Variants in NRXN1 observed in about 807,000 individuals in gnomAD.
NRXN1 encodes the protein neurexin-1.
In NRXN1, 39 loss-of-function variants were observed where a neutral mutation model predicts 150.9. The observed-to-expected ratio is 0.26, with a 90% CI of 0.20 to 0.34. The LOEUF (loss-of-function observed/expected upper bound fraction) is 0.34, where lower values mean the gene tolerates loss of function less well. Among genes scored for constraint, NRXN1 ranks in the 10% least tolerant of loss-of-function variants. The pLI is 1.00. For missense variants in NRXN1, 1,815 were observed against 1,949.9 expected (o/e 0.93, Z 1.30); for synonymous variants, 924 against 757.0 (o/e 1.22, Z -3.62).
intron 5 of NRXN1, among the ~76,000 whole-genome samples, chr2:50,871,417 C>A (rs1486016064): frequency 6.6e-6 from 1 of 151,742 alleles, no homozygotes; most frequent in Non-Finnish European, 1.5e-5. Flanking sequence ...TAAGCAGGAT[C>A]TAACATGGGC....
intron 5 of NRXN1, among the ~76,000 whole-genome samples, chr2:50,702,307 AT>A (rs1413624817): frequency 6.6e-6 from 1 of 151,728 alleles, no homozygotes; most frequent in Non-Finnish European, 1.5e-5. Flanking sequence ...GAACCATACT[AT>A]GGGGAAAAAC....
chr2:50,855,511 A>G (rs1675142313), intron 5 of NRXN1, among the ~76,000 whole-genome samples: 1 of 151,986 alleles, frequency 6.6e-6, no homozygotes, highest in Non-Finnish European at 1.5e-5. Context: ...TAGTAAGTTA[A>G]TTTATCTTGG....
At chr2:50,922,165 G>C (rs951966653) in intron 4 of NRXN1, among the ~76,000 whole-genome samples, 15 of 151,852 alleles carry the variant, frequency 9.9e-5, no homozygotes, top group Non-Finnish European at 2.1e-4. Context: ...AATCTACGTA[G>C]AGAAAGTATT....
At chr2:50,380,004 T>A (rs750036396) in intron 17 of NRXN1, among the ~76,000 whole-genome samples, 14 of 152,056 alleles carry the variant, frequency 9.2e-5, no homozygotes, top group Non-Finnish European at 1.9e-4. Flanking sequence ...AACATGGAAA[T>A]AGAAATGGCT....
At chr2:50,184,459 A>T (rs1221685358) in intron 18 of NRXN1, among the ~76,000 whole-genome samples, 3 of 152,032 alleles carry the variant, frequency 2.0e-5, no homozygotes, top group Non-Finnish European at 4.4e-5. Flanking sequence ...TATTTAACCC[A>T]TGAAAAATAA....
chr2:50,604,967 G>A (rs1676858642), intron 8 of NRXN1, among the ~76,000 whole-genome samples: 1 of 152,148 alleles, frequency 6.6e-6, no homozygotes, highest in African/African-American at 2.4e-5. Context: ...CTCCCAAGGA[G>A]GATACATAAC....
At chr2:50,370,902 T>G (rs2079972354) in intron 17 of NRXN1, among the ~76,000 whole-genome samples, 1 of 151,994 alleles carries the variant, frequency 6.6e-6, no homozygotes, top group Non-Finnish European at 1.5e-5. Flanking sequence ...CTAAAGACAG[T>G]CTTGTGTGAA....
chr2:50,371,483 A>T (rs1424487199), intron 17 of NRXN1, among the ~76,000 whole-genome samples: 1 of 152,102 alleles, frequency 6.6e-6, no homozygotes, highest in African/African-American at 2.4e-5. Flanking sequence ...ACCTATATAC[A>T]TTAAAGATTG....
chr2:50,354,240 C>T (rs1415660960), intron 17 of NRXN1, among the ~76,000 whole-genome samples: 1 of 152,002 alleles, frequency 6.6e-6, no homozygotes, highest in Non-Finnish European at 1.5e-5. Context: ...CTCTTTACTA[C>T]AGTTAGAAAA....
intron 21 of NRXN1, among the ~76,000 whole-genome samples, chr2:50,041,800 A>G (rs1691011606): frequency 1.3e-5 from 2 of 152,170 alleles, no homozygotes; most frequent in South Asian, 4.1e-4. Context: ...TTGAGAGGGG[A>G]CCATTAACAA....
At chr2:50,409,736 T>C (rs1299298742) in intron 17 of NRXN1, among the ~76,000 whole-genome samples, 1 of 152,224 alleles carries the variant, frequency 6.6e-6, no homozygotes, top group African/African-American at 2.4e-5. Flanking sequence ...TTCACTACAA[T>C]AGTTACATGT....
chr2:50,628,813 A>G (rs576307005), intron 5 of NRXN1, among the ~76,000 whole-genome samples: 22 of 151,742 alleles, frequency 1.4e-4, no homozygotes, highest in Non-Finnish European at 3.1e-4. Flanking sequence ...CTTACAAATC[A>G]ATAACAACAA....
At chr2:49,987,195 A>G (rs1266585799) in intron 21 of NRXN1, among the ~76,000 whole-genome samples, 2 of 152,052 alleles carry the variant, frequency 1.3e-5, no homozygotes, top group Non-Finnish European at 2.9e-5. Flanking sequence ...TACCTTTCCC[A>G]GCCTACAATT....
chr2:50,303,415 G>C (rs957012473), intron 17 of NRXN1, among the ~76,000 whole-genome samples: 6 of 152,236 alleles, frequency 3.9e-5, no homozygotes, highest in Admixed American at 3.3e-4. Flanking sequence ...ACTCATGTAA[G>C]TTTTATTAAT....
intron 5 of NRXN1, among the ~76,000 whole-genome samples, chr2:50,712,562 G>A (rs572789675): frequency 7.2e-5 from 11 of 152,170 alleles, no homozygotes; most frequent in African/African-American, 1.7e-4. Flanking sequence ...TTTTAGATAC[G>A]TTATCTCATT....
intron 22 of NRXN1, among the ~76,000 whole-genome samples, chr2:49,922,650 T>TAGA (rs1668431073): frequency 6.6e-6 from 1 of 152,188 alleles, no homozygotes; most frequent in Non-Finnish European, 1.5e-5. Flanking sequence ...GGTGTTGCTC[T>TAGA]AGAACATAGG....
chr2:50,913,613 G>T (rs186853657), intron 5 of NRXN1, among the ~76,000 whole-genome samples: 9 of 151,804 alleles, frequency 5.9e-5, no homozygotes, highest in East Asian at 5.8e-4. Context: ...AAACATGAAA[G>T]AAAATATTAG....
intron 5 of NRXN1, among the ~76,000 whole-genome samples, chr2:50,819,919 TTG>T (rs1669477419): frequency 6.6e-6 from 1 of 152,112 alleles, no homozygotes; most frequent in Non-Finnish European, 1.5e-5. Flanking sequence ...GCCATTTGCA[TTG>T]TATCACCCTG....
intron 18 of NRXN1, among the ~76,000 whole-genome samples, chr2:50,128,730 C>G (rs1182650611): frequency 6.6e-6 from 1 of 152,010 alleles, no homozygotes; most frequent in African/African-American, 2.4e-5. Flanking sequence ...GCCTGCAATT[C>G]CAGCTCTTTG....
Sources: allele counts gnomAD v4.1 joint callset (sites outside exome capture counted in the v4.1 genomes callset), GRCh38; gene constraint gnomAD v4.1.1; transcripts MANE v1.5; gene names NCBI Gene and HGNC (gene_info 2026-07-23, HGNC 2026-07-21).